The following SGMS1 variants were observed in gnomAD, a reference collection of about 807,000 sequenced individuals.
The protein encoded by SGMS1 is sphingomyelin synthase 1.
In SGMS1, 13 loss-of-function variants were observed where a neutral mutation model predicts 46.2. The observed-to-expected ratio is 0.28, with a 90% CI of 0.18 to 0.45. The LOEUF (loss-of-function observed/expected upper bound fraction) is 0.45, where lower values mean the gene tolerates loss of function less well. Ranked by LOEUF, SGMS1 falls within the 20% of genes least tolerant of loss-of-function variation. The probability of loss-of-function intolerance (pLI) is 1.00; values close to 1 mark genes in which losing one functional copy is unlikely to be tolerated. For synonymous variants in SGMS1, 203 were observed against 187.8 expected (o/e 1.08, Z -0.66); for missense variants, 324 against 519.9 (o/e 0.62, Z 3.66).
At chr10:50,487,985 T>TTTTATTTTATTTA (rs1554943919) in intron 3 of SGMS1, among the ~76,000 whole-genome samples, 23 of 138,990 alleles carry the variant, frequency 1.7e-4, no homozygotes, top group Admixed American at 2.9e-4. Context: ...TTTGTTTTTA[T>TTTTATTTTATTTA]TTTATTTATT....
intron 2 of SGMS1, among the ~76,000 whole-genome samples, chr10:50,535,702 C>T (rs950382686): frequency 6.6e-6 from 1 of 151,704 alleles, no homozygotes; most frequent in African/African-American, 2.4e-5. Flanking sequence ...TTCACAGATA[C>T]CACTCTATGA....
intron 2 of SGMS1, among the ~76,000 whole-genome samples, chr10:50,544,642 T>C (rs926273556): frequency 2.6e-5 from 4 of 152,244 alleles, no homozygotes; most frequent in African/African-American, 9.6e-5. Context: ...GTAGGTTCTT[T>C]GTACAATAAA....
chr10:50,581,439 T>G (rs1564437018), intron 2 of SGMS1, among the ~76,000 whole-genome samples: 1 of 152,126 alleles, frequency 6.6e-6, no homozygotes, highest in Non-Finnish European at 1.5e-5. Flanking sequence ...TAACTCAGAG[T>G]GGTGCCTATC....
chr10:50,501,034 G>A (rs978964688), intron 3 of SGMS1, among the ~76,000 whole-genome samples: 1 of 152,208 alleles, frequency 6.6e-6, no homozygotes, highest in East Asian at 1.9e-4. Context: ...GTCACATTAT[G>A]AGTATCTATC....
intron 6 of SGMS1, among the ~76,000 whole-genome samples, chr10:50,380,961 G>A (rs1848595008): frequency 6.6e-6 from 1 of 151,118 alleles, no homozygotes; most frequent in African/African-American, 2.4e-5. Flanking sequence ...CTCCTGAGTA[G>A]CTGGGACCAC....
At chr10:50,430,357 C>G (rs988957636) in intron 6 of SGMS1, among the ~76,000 whole-genome samples, 6 of 151,558 alleles carry the variant, frequency 4.0e-5, no homozygotes, top group African/African-American at 7.3e-5. Flanking sequence ...GTGGCATCAT[C>G]TTACTATATT....
chr10:50,332,840 G>T (rs1332184981), intron 7 of SGMS1, among the ~76,000 whole-genome samples: 1 of 151,754 alleles, frequency 6.6e-6, no homozygotes, highest in African/African-American at 2.4e-5. Context: ...TGCCCAGGCT[G>T]GTCTTGCATT....
In SGMS1 at chr10:50,594,141, G is replaced by C. The variant is rs184618127; in HGVS notation, c.-683-3894C>G. On this transcript the variant is annotated intron_variant, in intron 1 of 10. Transcript: ENST00000361781. ...AGGAAAGCTTTCAACCAACAAAAGGGAAAGCTTTTCCTATTTGCAGCATCA... is the reference window on the plus strand; with the variant it reads ...AGGAAAGCTTTCAACCAACAAAAGGCAAAGCTTTTCCTATTTGCAGCATCA... Among the ~76,000 whole-genome samples, 10 of 152,266 alleles carry C rather than the reference G, an allele frequency of 6.6e-5. No individual in the cohort carries two copies. In the East Asian group the frequency reaches 1.9e-3, roughly 29 times the overall value.
chr10:50,322,348 G>A (rs1476296023), intron 8 of SGMS1, among the ~76,000 whole-genome samples: 3 of 152,182 alleles, frequency 2.0e-5, no homozygotes, highest in Non-Finnish European at 4.4e-5. Flanking sequence ...ATGAAAATGA[G>A]AGTCGAAAAC....
At chr10:50,414,741 C>T (rs1849145708) in intron 6 of SGMS1, among the ~76,000 whole-genome samples, 1 of 152,162 alleles carries the variant, frequency 6.6e-6, no homozygotes, top group African/African-American at 2.4e-5. Flanking sequence ...CTTCAAAGAA[C>T]GACGCAATTA....
intron 2 of SGMS1, among the ~76,000 whole-genome samples, chr10:50,555,375 T>G (rs770427789): frequency 7.9e-5 from 12 of 152,206 alleles, no homozygotes; most frequent in Middle Eastern, 3.2e-3. Flanking sequence ...CAGAATTGCA[T>G]AAAGTTCACC....
At chr10:50,477,597 T>C (rs1456461580) in intron 3 of SGMS1, among the ~76,000 whole-genome samples, 2 of 152,284 alleles carry the variant, frequency 1.3e-5, no homozygotes, top group South Asian at 2.1e-4. Context: ...GCTTTGGCTA[T>C]GTGTCCCCAC....
intron 2 of SGMS1, among the ~76,000 whole-genome samples, chr10:50,562,005 G>A (rs968167740): frequency 6.6e-6 from 1 of 152,120 alleles, no homozygotes; most frequent in Non-Finnish European, 1.5e-5. Context: ...TACAAAACAG[G>A]TGAGTTGAAA....
At chr10:50,453,097 A>G (rs2133665272) in intron 5 of SGMS1, among the ~76,000 whole-genome samples, 1 of 152,136 alleles carries the variant, frequency 6.6e-6, no homozygotes, top group African/African-American at 2.4e-5. Context: ...AATAAATCAC[A>G]GAAATACAAG....
chr10:50,548,864 A>G (rs1838124817), intron 2 of SGMS1, among the ~76,000 whole-genome samples: 1 of 152,186 alleles, frequency 6.6e-6, no homozygotes, highest in Non-Finnish European at 1.5e-5. Flanking sequence ...ACAAGAAAAA[A>G]AAACCATTAA....
chr10:50,407,492 A>G (rs1452158114), intron 6 of SGMS1, among the ~76,000 whole-genome samples: 1 of 152,156 alleles, frequency 6.6e-6, no homozygotes, highest in African/African-American at 2.4e-5. Flanking sequence ...TATCTTTGAT[A>G]TCCTTTCTGG....
intron 6 of SGMS1, among the ~76,000 whole-genome samples, chr10:50,422,401 A>G (rs897815770): frequency 6.6e-6 from 1 of 152,146 alleles, no homozygotes. Context: ...GCAGAACCCA[A>G]GCAGCAGATG....
intron 6 of SGMS1, among the ~76,000 whole-genome samples, chr10:50,400,850 C>T (rs571495762): frequency 2.1e-4 from 32 of 152,186 alleles, no homozygotes; most frequent in African/African-American, 7.2e-4. Context: ...GTCTTATGGC[C>T]AATACTGATG....
At chr10:50,484,908 A>T (rs1837506807) in intron 3 of SGMS1, among the ~76,000 whole-genome samples, 1 of 152,170 alleles carries the variant, frequency 6.6e-6, no homozygotes, top group South Asian at 2.1e-4. Context: ...AAATAATAAA[A>T]GCTGTCTATG....
Sources: gnomAD v4.1 joint callset for allele counts (sites outside exome capture counted in the v4.1 genomes callset) on GRCh38, gnomAD v4.1.1 for gene constraint, MANE v1.5 for transcripts, NCBI Gene and HGNC (gene_info 2026-07-23, HGNC 2026-07-21) for gene names.